VPS13B: variants seen among roughly 807,000 people sequenced by gnomAD.
VPS13B encodes the protein vacuolar protein sorting 13 homolog B, also known as intermembrane lipid transfer protein VPS13B.
A neutral mutation model predicts 426.4 loss-of-function variants in VPS13B; 285 were observed. The ratio of observed to expected loss-of-function variants is 0.67; its 90% confidence interval spans 0.61 to 0.74. The LOEUF is 0.74. Among genes scored for constraint, VPS13B ranks in the 30% least tolerant of loss-of-function variants. The pLI is 0.00. For synonymous variants in VPS13B, 1,676 were observed against 1,676.4 expected, an observed-to-expected ratio of 1.00 and a Z score of 0.01; for missense variants, 4,537 against 4,782.6, an observed-to-expected ratio of 0.95 and a Z score of 1.51.
chr8:99,781,749 GC>G (rs1812031090), intron 42 of VPS13B, among the ~76,000 whole-genome samples: 1 of 151,908 alleles, frequency 6.6e-6, no homozygotes, highest in South Asian at 2.1e-4. Flanking sequence ...TTCTGCTCAA[GC>G]CCCATCTGGT....
chr8:99,397,092 G>C (rs1814765284), intron 21 of VPS13B, among the ~76,000 whole-genome samples: 1 of 152,124 alleles, frequency 6.6e-6, no homozygotes, highest in Non-Finnish European at 1.5e-5. Flanking sequence ...TGTTTTTAAA[G>C]AATCTGTCTT....
chr8:99,097,447 C>T (rs938184501), intron 4 of VPS13B, among the ~76,000 whole-genome samples: 15 of 152,004 alleles, frequency 9.9e-5, no homozygotes, highest in African/African-American at 3.6e-4. Context: ...TATTTTTGCC[C>T]TCAAAGAGTT....
intron 17 of VPS13B, among the ~76,000 whole-genome samples, chr8:99,224,754 A>G (rs1198217858): frequency 6.6e-6 from 1 of 152,000 alleles, no homozygotes; most frequent in Non-Finnish European, 1.5e-5. Flanking sequence ...TTTATTTATT[A>G]TATGTTTACC....
At chr8:99,379,044 T>C (rs1194935142) in intron 19 of VPS13B, among the ~76,000 whole-genome samples, 1 of 152,226 alleles carries the variant, frequency 6.6e-6, no homozygotes, top group East Asian at 1.9e-4. Flanking sequence ...CTCTGCCTAC[T>C]GTCAGATCAT....
chr8:99,344,295 A>G (rs1811413052), intron 19 of VPS13B, among the ~76,000 whole-genome samples: 1 of 152,216 alleles, frequency 6.6e-6, no homozygotes, highest in Non-Finnish European at 1.5e-5. Flanking sequence ...AACCATATAC[A>G]AAAATCAAGT....
At chr8:99,762,106 G>T (rs1423159808) in intron 39 of VPS13B, among the ~76,000 whole-genome samples, 1 of 151,790 alleles carries the variant, frequency 6.6e-6, no homozygotes, top group Non-Finnish European at 1.5e-5. Flanking sequence ...GCTCACTGCG[G>T]CCTCAACCTC....
In VPS13B at chr8:99,720,436, A is replaced by T. The variant is rs1180682567; in HGVS notation, c.6749A>T (p.Gln2250Leu). The T allele has an allele frequency of 6.2e-7, 1 of 1,613,904 alleles. No individual in the cohort carries two copies. Among genetic ancestry groups the T allele is most frequent in the Non-Finnish European group, 8.5e-7 (1 of 1,179,920 alleles). Residue 2250 changes from glutamine (Q) to leucine (L), a missense_variant, in exon 38 of 62, where the codon CAA becomes CTA. By Grantham distance (113) the Gln-to-Leu change is moderately radical. This residue lies in a region of VPS13B where 4,311 missense variants were observed against 4,474.3 expected (regional missense o/e 0.96). Coordinates refer to ENST00000357162, the MANE Select transcript of VPS13B (RefSeq NM_152564.5). ...YLNEEGNFEVQVSEPVPQMSS... is the reference protein window; with the variant it reads ...YLNEEGNFEVLVSEPVPQMSS... ...AATGAGGAGGGAAATTTTGAAGTACAAGTTTCTGAACCAGTGCCTCAAATG... is the reference window on the plus strand; with the variant it reads ...AATGAGGAGGGAAATTTTGAAGTACTAGTTTCTGAACCAGTGCCTCAAATG...
At chr8:99,732,313 C>A (rs1833640485) in intron 39 of VPS13B, among the ~76,000 whole-genome samples, 1 of 152,202 alleles carries the variant, frequency 6.6e-6, no homozygotes, top group Non-Finnish European at 1.5e-5. Flanking sequence ...CCATCCCCAG[C>A]ACCCTTTCCT....
At chr8:99,142,483 T>C (rs1007860191) in intron 12 of VPS13B, among the ~76,000 whole-genome samples, 4 of 152,168 alleles carry the variant, frequency 2.6e-5, no homozygotes, top group Admixed American at 1.3e-4. Context: ...GAATCTATTC[T>C]AGAAAAAGTT....
chr8:99,203,592 A>T (rs1814491053), intron 17 of VPS13B, among the ~76,000 whole-genome samples: 1 of 152,208 alleles, frequency 6.6e-6, no homozygotes, highest in African/African-American at 2.4e-5. Context: ...TGCAGATGAC[A>T]TGATTGTATA....
intron 24 of VPS13B, among the ~76,000 whole-genome samples, chr8:99,478,812 G>A (rs995633142): frequency 7.0e-6 from 1 of 142,880 alleles, no homozygotes; most frequent in African/African-American, 2.6e-5. Flanking sequence ...AATCTTTTAT[G>A]TGAAAAGTTG....
chr8:99,572,810 A>G (rs1825550966), intron 31 of VPS13B, among the ~76,000 whole-genome samples: 1 of 152,208 alleles, frequency 6.6e-6, no homozygotes, highest in South Asian at 2.1e-4. Flanking sequence ...TCCTTTGGGT[A>G]TATACCCAGT....
At chr8:99,019,892 GATA>G (rs1463267749) in intron 2 of VPS13B, among the ~76,000 whole-genome samples, 1 of 152,162 alleles carries the variant, frequency 6.6e-6, no homozygotes, top group Admixed American at 6.5e-5. Context: ...TTCGTTGATG[GATA>G]GTTGGGTTGC....
chr8:99,506,584 A>T (rs1255379173), intron 27 of VPS13B, among the ~76,000 whole-genome samples: 1 of 152,218 alleles, frequency 6.6e-6, no homozygotes, highest in Non-Finnish European at 1.5e-5. Flanking sequence ...ATAGCCTGGC[A>T]TGGTGGCTCA....
At chr8:99,207,985 T>C (rs1469197209) in intron 17 of VPS13B, among the ~76,000 whole-genome samples, 2 of 152,014 alleles carry the variant, frequency 1.3e-5, no homozygotes, top group African/African-American at 4.8e-5. Flanking sequence ...TGGACAAGAG[T>C]TAATTACATA....
intron 41 of VPS13B, among the ~76,000 whole-genome samples, chr8:99,777,695 T>C (rs890081055): frequency 2.0e-5 from 3 of 152,216 alleles, no homozygotes; most frequent in Non-Finnish European, 4.4e-5. Context: ...TCATGAATAC[T>C]TTCCACAAAA....
At chr8:99,297,498 A>G (rs1239623781) in intron 19 of VPS13B, among the ~76,000 whole-genome samples, 1 of 151,532 alleles carries the variant, frequency 6.6e-6, no homozygotes, top group Non-Finnish European at 1.5e-5. Context: ...GTAATAAGAC[A>G]TCATTACTTC....
intron 3 of VPS13B, among the ~76,000 whole-genome samples, chr8:99,062,874 A>G (rs576501627): frequency 6.6e-6 from 1 of 152,332 alleles, no homozygotes; most frequent in South Asian, 2.1e-4. Context: ...GTATCTGTGG[A>G]TATAGATGGG....
chr8:99,531,158 A>G (rs1210047764), intron 30 of VPS13B, among the ~76,000 whole-genome samples: 1 of 152,226 alleles, frequency 6.6e-6, no homozygotes, highest in Admixed American at 6.5e-5. Context: ...TTTATAATGA[A>G]AACATTTATA....
Sources: gnomAD v4.1 joint callset for allele counts (sites outside exome capture counted in the v4.1 genomes callset) on GRCh38, gnomAD v4.1.1 for gene constraint, gnomAD v4.1.1 regional missense constraint, MANE v1.5 for transcripts, NCBI Gene and HGNC (gene_info 2026-07-23, HGNC 2026-07-21) for gene names.